Variants in PLAC8 observed in about 807,000 individuals in gnomAD.
PLAC8 encodes placenta associated 8, also known as placenta-specific gene 8 protein.
Under a neutral mutation model 12.6 loss-of-function variants are expected in PLAC8, and 6 were observed. The observed-to-expected ratio is 0.48, with a 90% CI of 0.26 to 0.94. The LOEUF (loss-of-function observed/expected upper bound fraction) is 0.94. PLAC8 is among the 40% of genes least tolerant of loss of function. The probability of loss-of-function intolerance (pLI) is 0.14; values close to 1 mark genes in which losing one functional copy is unlikely to be tolerated. For synonymous variants in PLAC8, 54 were observed against 52.6 expected (o/e 1.03, Z -0.11); for missense variants, 122 against 152.7 (o/e 0.80, Z 1.06).
intron 2 of PLAC8, among the ~76,000 whole-genome samples, chr4:83,107,187 T>G: frequency 1.4e-5 from 2 of 139,868 alleles, no homozygotes; most frequent in African/African-American, 5.6e-5. Flanking sequence ...GGGACAAGAG[T>G]GAGACTTCGT....
intron 3 of PLAC8, among the ~76,000 whole-genome samples, chr4:83,102,743 G>A (rs1422399134): frequency 6.6e-6 from 1 of 152,202 alleles, no homozygotes; most frequent in Non-Finnish European, 1.5e-5. Context: ...CTGAATTGCT[G>A]CAATCTCATG....
In PLAC8 at chr4:83,107,907, C is replaced by T. The variant is rs1366007392; in HGVS notation, c.15G>A (p.Ala5=). ...CAGGTTGGGTCACAACGACCACCGG[C>T]GCCTGAGCTTGCATTTTCAGTGCAG... MQAQ[A]PVVVVTQPGV... is the part of the protein sequence containing the mutation. Residue 5 remains alanine (A), a synonymous_variant, in exon 2 of 5, where the codon GCG becomes GCA. Coordinates refer to ENST00000311507, the MANE Select transcript of PLAC8 (RefSeq NM_016619.3). 6.5e-7 allele frequency: 1 copy of T among 1,541,168 alleles called. No homozygotes were observed. Among genetic ancestry groups the T allele is most frequent in the South Asian group, 1.1e-5 (1 of 88,726 alleles).
intron 3 of PLAC8, among the ~76,000 whole-genome samples, chr4:83,103,084 T>A (rs1181788359): frequency 2.4e-5 from 3 of 125,690 alleles, no homozygotes; most frequent in African/African-American, 3.2e-5. Flanking sequence ...AGACTCCCTT[T>A]AAAAAAAAAA....
At chr4:83,094,915 T>C (rs1018869459) in intron 3 of PLAC8, 124 bp from the exon 4 acceptor site, 2 of 506,432 alleles carry the variant, frequency 3.9e-6, no homozygotes, top group African/African-American at 4.0e-5. Flanking sequence ...TGGATACATT[T>C]AGGAAAATAT....
intron 1 of PLAC8, among the ~76,000 whole-genome samples, chr4:83,113,680 G>C (rs1354106425): frequency 1.3e-5 from 2 of 151,982 alleles, no homozygotes; most frequent in Non-Finnish European, 2.9e-5. Context: ...AAGTTGGCAG[G>C]GGCCACCTTG....
At chr4:83,113,167 T>G (rs1732461514) in intron 1 of PLAC8, among the ~76,000 whole-genome samples, 2 of 152,254 alleles carry the variant, frequency 1.3e-5, no homozygotes, top group Admixed American at 1.3e-4. Flanking sequence ...GCTGCTGCCC[T>G]TATGCCATAG....
At chr4:83,105,838 C>T (rs7688441) in intron 2 of PLAC8, among the ~76,000 whole-genome samples, 59,864 of 151,872 alleles carry the variant, frequency 0.39, 11,985 homozygotes, top group Middle Eastern at 0.47. Context: ...TTCACCAATG[C>T]AGTCTAATTC....
At chr4:83,092,251 T>G (rs980614070) in intron 4 of PLAC8, among the ~76,000 whole-genome samples, 5 of 152,198 alleles carry the variant, frequency 3.3e-5, no homozygotes, top group Admixed American at 6.5e-5. Flanking sequence ...TGGGTAGATA[T>G]TTGATCCAAA....
chr4:83,092,289 AGT>A (rs1731822966), intron 4 of PLAC8, among the ~76,000 whole-genome samples: 1 of 152,234 alleles, frequency 6.6e-6, no homozygotes. Context: ...TTAAGTAAAC[AGT>A]GTTGGAATGA....
At chr4:83,100,447 A>G (rs943452554) in intron 3 of PLAC8, among the ~76,000 whole-genome samples, 1 of 152,036 alleles carries the variant, frequency 6.6e-6, no homozygotes, top group Non-Finnish European at 1.5e-5. Flanking sequence ...ACCATGAGCC[A>G]ATTAAACCTC....
intron 3 of PLAC8, among the ~76,000 whole-genome samples, chr4:83,103,828 C>A (rs1732172473): frequency 6.6e-6 from 1 of 152,186 alleles, no homozygotes; most frequent in Non-Finnish European, 1.5e-5. Context: ...GCCACCACGC[C>A]TGGCTAATTT....
chr4:83,100,394 C>T (rs1357664244), intron 3 of PLAC8, among the ~76,000 whole-genome samples: 1 of 152,148 alleles, frequency 6.6e-6, no homozygotes, highest in Non-Finnish European at 1.5e-5. Flanking sequence ...CCACAGGTCT[C>T]CCTAGAAGCA....
At position 83,107,958 on chromosome 4, in the gene PLAC8, G is replaced by T; in HGVS notation, c.-29-8C>A. The T allele has an allele frequency of 1.2e-6, 1 of 802,458 alleles. No individual in the cohort carries two copies. The highest frequency in any genetic ancestry group is 1.7e-6 in the Non-Finnish European group (1 of 572,962). The allele number at this position is 802,458 out of a possible 1,614,324, so 49.7% of individuals were successfully genotyped here. On this transcript the variant is annotated splice_polypyrimidine_tract_variant and splice_region_variant and intron_variant, in intron 1 of 4. Coordinates refer to ENST00000311507, the MANE Select transcript of PLAC8 (RefSeq NM_016619.3). The stretch of plus-strand genomic sequence containing the variant: ...GGCCTTAAAAGCAGTGGACTGAAAA[G>T]GCAGAGTGGTGTTAGAAATCTCTGT...
chr4:83,112,884 G>A (rs919833433), intron 1 of PLAC8, among the ~76,000 whole-genome samples: 3 of 152,192 alleles, frequency 2.0e-5, no homozygotes, highest in Non-Finnish European at 2.9e-5. Context: ...AGCAATAAGT[G>A]GAGAGAAAAC....
intron 4 of PLAC8, among the ~76,000 whole-genome samples, chr4:83,091,804 A>T (rs1207182455): frequency 6.6e-6 from 1 of 152,146 alleles, no homozygotes; most frequent in Non-Finnish European, 1.5e-5. Flanking sequence ...TGCTCTCAAA[A>T]TTCCCAGTTT....
intron 1 of PLAC8, among the ~76,000 whole-genome samples, chr4:83,108,222 A>T (rs1170621715): frequency 8.2e-6 from 1 of 122,502 alleles, no homozygotes; most frequent in Non-Finnish European, 1.8e-5. Context: ...AGTGTAGAGG[A>T]AGTTGCTCTG....
chr4:83,103,106 A>G (rs1314057173), intron 3 of PLAC8, among the ~76,000 whole-genome samples: 1 of 112,938 alleles, frequency 8.9e-6, no homozygotes, highest in Non-Finnish European at 1.8e-5. Flanking sequence ...AAAGAAAGCT[A>G]TTTCTTGAGG....
At chr4:83,105,559 G>T (rs72666523) in intron 2 of PLAC8, among the ~76,000 whole-genome samples, 4 of 152,326 alleles carry the variant, frequency 2.6e-5, no homozygotes, top group Admixed American at 6.5e-5. Flanking sequence ...ATTCAATATG[G>T]CTGGAGCCCT....
intron 1 of PLAC8, among the ~76,000 whole-genome samples, chr4:83,111,904 C>G (rs1732430100): frequency 6.6e-6 from 1 of 152,126 alleles, no homozygotes; most frequent in Non-Finnish European, 1.5e-5. Context: ...TAGTAAGCAG[C>G]TGTATCGGCT....
Sources: gnomAD v4.1 joint callset for allele counts (sites outside exome capture counted in the v4.1 genomes callset) on GRCh38, gnomAD v4.1.1 for gene constraint, MANE v1.5 for transcripts, NCBI Gene and HGNC (gene_info 2026-07-23, HGNC 2026-07-21) for gene names.